ANKRD6: variants seen among roughly 807,000 people sequenced by gnomAD.
ANKRD6 encodes the protein ankyrin repeat domain-containing protein 6.
ANKRD6 carries 56 observed loss-of-function variants against 82.3 expected under a neutral mutation model. The ratio of observed to expected loss-of-function variants is 0.68; its 90% CI spans 0.55 to 0.85. The LOEUF is 0.85. ANKRD6 is among the 40% of genes least tolerant of loss of function. The pLI is 0.00. For missense variants in ANKRD6, 852 were observed against 907.6 expected (o/e 0.94, Z 0.79); for synonymous variants, 347 against 352.1 (o/e 0.99, Z 0.16).
At position 89,631,327 on chromosome 6, in the gene ANKRD6, T is replaced by C; in HGVS notation, c.*323T>C. The C allele has an allele frequency of 4.8e-6, 1 of 207,752 alleles. No homozygotes were observed. The highest frequency in any genetic ancestry group is 9.5e-6 in the Non-Finnish European group (1 of 104,932). 12.9% of individuals were successfully genotyped at this position (207,752 alleles called of 1,614,324 possible). A position where few individuals can be genotyped will look rare whatever the true frequency, so the allele number is the denominator to read the frequency against. ...AACTGGACGATGTGTAAGCCTAGAC[T>C]CTAAAATTCAAGATGTGTGAAATAA... On this transcript the variant is annotated 3_prime_UTR_variant, in exon 16 of 16. Coordinates refer to ENST00000339746, the MANE Select transcript of ANKRD6 (RefSeq NM_001242809.2).
At chr6:89,462,321 G>C (rs905442359) in intron 1 of ANKRD6, among the ~76,000 whole-genome samples, 1 of 151,408 alleles carries the variant, frequency 6.6e-6, no homozygotes, top group Non-Finnish European at 1.5e-5. Flanking sequence ...TTCTTTTGGG[G>C]TTAAACTGTT....
intron 1 of ANKRD6, among the ~76,000 whole-genome samples, chr6:89,463,078 G>C (rs1774398751): frequency 6.6e-6 from 1 of 151,836 alleles, no homozygotes; most frequent in Non-Finnish European, 1.5e-5. Flanking sequence ...ATGTTGCCCT[G>C]ACTTGTTTCA....
intron 1 of ANKRD6, among the ~76,000 whole-genome samples, chr6:89,454,121 A>T (rs1292865877): frequency 6.6e-6 from 1 of 152,026 alleles, no homozygotes; most frequent in Non-Finnish European, 1.5e-5. Flanking sequence ...TTTAATGCGA[A>T]GTTTTTGCTG....
intron 5 of ANKRD6, among the ~76,000 whole-genome samples, chr6:89,610,522 A>T (rs1402038378): frequency 6.6e-6 from 1 of 152,056 alleles, no homozygotes; most frequent in African/African-American, 2.4e-5. Context: ...CTTGGTGCAA[A>T]TGCTTTTCCA....
intron 1 of ANKRD6, among the ~76,000 whole-genome samples, chr6:89,458,558 C>G (rs1407129569): frequency 6.6e-6 from 1 of 152,214 alleles, no homozygotes; most frequent in East Asian, 1.9e-4. Flanking sequence ...GCTGAAGAAC[C>G]TGGAGTCTGA....
At position 89,624,602 on chromosome 6, in the gene ANKRD6, A is replaced by G. The variant is rs1804953386; in HGVS notation, c.1282A>G (p.Thr428Ala). 1 of 1,566,618 alleles carries G rather than the reference A, an allele frequency of 6.4e-7. No individual in the cohort carries two copies. The highest frequency in any genetic ancestry group is 1.2e-5 in the South Asian group (1 of 84,934). Reference sequence around the variant, plus strand: ...CAAGCTGGAGAATCAGTTGGAGGCTACTGTGGAGGAGATAAAAGCAGAGCT... The same window carrying G: ...CAAGCTGGAGAATCAGTTGGAGGCTGCTGTGGAGGAGATAAAAGCAGAGCT... ...INKLENQLEATVEEIKAELGS... is the reference protein window; with the variant it reads ...INKLENQLEAAVEEIKAELGS... The change falls in exon 13 of 16, where the codon ACT becomes GCT. Residue 428 changes from threonine to alanine, a missense_variant. Transcript: ENST00000339746.
chr6:89,498,685 C>G (rs1167652525), intron 1 of ANKRD6, among the ~76,000 whole-genome samples: 1 of 152,120 alleles, frequency 6.6e-6, no homozygotes, highest in Non-Finnish European at 1.5e-5. Context: ...ATTTGCTAAT[C>G]TGAAATTGTG....
intron 1 of ANKRD6, among the ~76,000 whole-genome samples, chr6:89,522,662 C>T (rs1283919062): frequency 6.6e-6 from 1 of 152,334 alleles, no homozygotes; most frequent in South Asian, 2.1e-4. Context: ...CTTCCTGGGT[C>T]AGCAGTTTAC....
At chr6:89,470,990 G>T (rs1349861578) in intron 1 of ANKRD6, among the ~76,000 whole-genome samples, 1 of 152,028 alleles carries the variant, frequency 6.6e-6, no homozygotes, top group Non-Finnish European at 1.5e-5. Flanking sequence ...TATATATAAT[G>T]CATTTCTTTG....
chr6:89,620,518 A>AT (rs1450944071), intron 9 of ANKRD6, among the ~76,000 whole-genome samples: 1 of 152,178 alleles, frequency 6.6e-6, no homozygotes, highest in African/African-American at 2.4e-5. Context: ...AGCTTTAGAA[A>AT]TGACTCGGGG....
At chr6:89,588,368 GATA>G (rs1349352462) in intron 2 of ANKRD6, among the ~76,000 whole-genome samples, 1 of 152,126 alleles carries the variant, frequency 6.6e-6, no homozygotes, top group East Asian at 1.9e-4. Context: ...TAATGCGACA[GATA>G]ATATAGGCAG....
chr6:89,480,514 T>A (rs1290667759), intron 1 of ANKRD6, among the ~76,000 whole-genome samples: 5 of 151,464 alleles, frequency 3.3e-5, no homozygotes, highest in Admixed American at 6.6e-5. Flanking sequence ...AAGGGCTACT[T>A]ATATATTTTG....
At chr6:89,485,582 T>C (rs854871) in intron 1 of ANKRD6, among the ~76,000 whole-genome samples, 103,904 of 152,026 alleles carry the variant, frequency 0.68, 37,065 homozygotes, top group South Asian at 0.87. Context: ...CTCTGCTGCT[T>C]GGTGCTGTCC....
chr6:89,603,202 T>C (rs1583651190), intron 4 of ANKRD6, 75 bp downstream of exon 4: 2 of 1,379,270 alleles, frequency 1.5e-6, no homozygotes, highest in Admixed American at 2.1e-5. Flanking sequence ...AGGAGCCCGC[T>C]CTGGAAACTT....
chr6:89,601,247 T>C (rs6454764), intron 3 of ANKRD6, among the ~76,000 whole-genome samples: 126,981 of 152,004 alleles, frequency 0.84, 54,501 homozygotes, highest in Non-Finnish European at 0.95. Context: ...GAGAAGAAAA[T>C]CAGCCTGAAC....
intron 1 of ANKRD6, among the ~76,000 whole-genome samples, chr6:89,525,423 T>G (rs1366878593): frequency 6.6e-6 from 1 of 152,200 alleles, no homozygotes; most frequent in Admixed American, 6.5e-5. Flanking sequence ...GAATCCAGCA[T>G]TTCCACGCTG....
rs569400083 is a variant in ANKRD6, at chr6:89,563,872, G to C, written c.-143-2962G>C. Reference sequence around the variant, plus strand: ...TGGGACTTAGGAACAGTGACCATGAGGGAGGGAGAGAGGTGGTGTCTCTGC... The same window carrying C: ...TGGGACTTAGGAACAGTGACCATGACGGAGGGAGAGAGGTGGTGTCTCTGC... On this transcript the variant is annotated intron_variant, in intron 1 of 15. Transcript: ENST00000339746. Among the ~76,000 whole-genome samples, 4 of 152,314 alleles carry C rather than the reference G, an allele frequency of 2.6e-5. No individual in the cohort carries two copies. The South Asian group carries it at 8.3e-4, about 32-fold the overall frequency.
At chr6:89,510,702 C>T (rs898731786) in intron 1 of ANKRD6, among the ~76,000 whole-genome samples, 3 of 152,104 alleles carry the variant, frequency 2.0e-5, no homozygotes, top group Non-Finnish European at 2.9e-5. Flanking sequence ...CCCCCAATCT[C>T]CCCGGCCCTA....
chr6:89,587,459 A>G (rs1562936352), intron 2 of ANKRD6, among the ~76,000 whole-genome samples: 1 of 152,224 alleles, frequency 6.6e-6, no homozygotes, highest in South Asian at 2.1e-4. Flanking sequence ...ACTGCCCTCC[A>G]GTCTGGCGAC....
Sources: allele counts gnomAD v4.1 joint callset (sites outside exome capture counted in the v4.1 genomes callset), GRCh38; gene constraint gnomAD v4.1.1; transcripts MANE v1.5; gene names NCBI Gene and HGNC (gene_info 2026-07-23, HGNC 2026-07-21).